The following MAST4 variants were observed in gnomAD, a reference collection of about 807,000 sequenced individuals.
MAST4 encodes microtubule-associated serine/threonine-protein kinase 4.
MAST4 carries 89 observed loss-of-function variants against 162.7 expected under a neutral mutation model. That is an observed-to-expected ratio of 0.55 (90% CI 0.46 to 0.65). MAST4 has a LOEUF of 0.65. MAST4 is among the 30% of genes least tolerant of loss of function. MAST4 has a pLI of 0.00. For missense variants in MAST4, 3,153 were observed against 3,374.0 expected, an observed-to-expected ratio of 0.93 and a Z score of 1.62; for synonymous variants, 1,479 against 1,361.1, an observed-to-expected ratio of 1.09 and a Z score of -1.91.
intron 1 of MAST4, among the ~76,000 whole-genome samples, chr5:66,607,425 G>A (rs1742964505): frequency 6.6e-6 from 1 of 152,110 alleles, no homozygotes. Flanking sequence ...TTTCCTGTTG[G>A]CTTTGGGGAG....
intron 4 of MAST4, among the ~76,000 whole-genome samples, chr5:66,980,387 A>G (rs1748646327): frequency 6.6e-6 from 1 of 152,208 alleles, no homozygotes; most frequent in African/African-American, 2.4e-5. Flanking sequence ...TCAAACTCTA[A>G]GATACTTTTA....
intron 1 of MAST4, among the ~76,000 whole-genome samples, chr5:66,643,660 CA>C (rs1460749350): frequency 1.3e-5 from 2 of 152,048 alleles, no homozygotes; most frequent in Non-Finnish European, 2.9e-5. Flanking sequence ...TCCCTTTTGA[CA>C]TGCTTTTTGT....
chr5:66,665,417 TTAAA>T (rs1186114277), intron 1 of MAST4, among the ~76,000 whole-genome samples: 2 of 152,218 alleles, frequency 1.3e-5, no homozygotes, highest in Non-Finnish European at 2.9e-5. Flanking sequence ...CTATTTGCCT[TTAAA>T]TAATTAATGA....
At chr5:66,835,281 C>A (rs1457008411) in intron 3 of MAST4, among the ~76,000 whole-genome samples, 2 of 152,158 alleles carry the variant, frequency 1.3e-5, no homozygotes, top group African/African-American at 4.8e-5. Context: ...CTAGGTGAAC[C>A]AGTTTACTTC....
At chr5:66,790,877 A>ATT (rs370926586) in intron 3 of MAST4, among the ~76,000 whole-genome samples, 72 of 130,576 alleles carry the variant, frequency 5.5e-4, no homozygotes, top group African/African-American at 1.9e-3. Context: ...ACAATTCATG[A>ATT]TTTTTTTTTG....
intron 4 of MAST4, among the ~76,000 whole-genome samples, chr5:66,947,301 A>G (rs537606056): frequency 4.9e-4 from 75 of 152,240 alleles, no homozygotes; most frequent in African/African-American, 1.6e-3. Flanking sequence ...TGATCCTGAC[A>G]TGTCAAGGAA....
At chr5:66,728,125 A>C (rs1751634074) in intron 1 of MAST4, among the ~76,000 whole-genome samples, 1 of 152,208 alleles carries the variant, frequency 6.6e-6, no homozygotes, top group Admixed American at 6.5e-5. Context: ...GGAAACATTT[A>C]AAATAAATGG....
At chr5:66,780,422 C>T (rs990400444) in intron 2 of MAST4, among the ~76,000 whole-genome samples, 6 of 152,130 alleles carry the variant, frequency 3.9e-5, no homozygotes, top group Non-Finnish European at 7.4e-5. Context: ...ATGGTGTGTC[C>T]GGAGTTTATT....
chr5:67,036,858 G>A (rs1004780352), intron 4 of MAST4, among the ~76,000 whole-genome samples: 2 of 152,138 alleles, frequency 1.3e-5, no homozygotes, highest in African/African-American at 4.8e-5. Flanking sequence ...GTCTTTGTAA[G>A]CATTTTTGGA....
At chr5:66,976,235 G>A (rs1302062210) in intron 4 of MAST4, among the ~76,000 whole-genome samples, 6 of 152,202 alleles carry the variant, frequency 3.9e-5, no homozygotes, top group East Asian at 1.9e-4. Flanking sequence ...CCAGCCCTGC[G>A]AGGCATTACC....
At chr5:66,748,183 A>C (rs1214674055) in intron 1 of MAST4, among the ~76,000 whole-genome samples, 1 of 152,148 alleles carries the variant, frequency 6.6e-6, no homozygotes, top group East Asian at 1.9e-4. Context: ...ACTCCAATGA[A>C]GTTCCCAGTG....
intron 1 of MAST4, among the ~76,000 whole-genome samples, chr5:66,632,534 C>T (rs148367448): frequency 7.9e-5 from 12 of 152,134 alleles, no homozygotes; most frequent in African/African-American, 2.9e-4. Flanking sequence ...TTCACCCCTA[C>T]ATTTGTGTAC....
At chr5:66,837,196 G>A (rs1758038333) in intron 3 of MAST4, among the ~76,000 whole-genome samples, 1 of 151,402 alleles carries the variant, frequency 6.6e-6, no homozygotes, top group Non-Finnish European at 1.5e-5. Context: ...AATTTTAGCA[G>A]AGTTGCTGAG....
At chr5:66,764,998 A>G (rs893411295) in intron 2 of MAST4, among the ~76,000 whole-genome samples, 1 of 152,070 alleles carries the variant, frequency 6.6e-6, no homozygotes. Context: ...TATCTTTTAT[A>G]TTTTAAGGTA....
At chr5:66,824,509 T>A (rs1757148867) in intron 3 of MAST4, among the ~76,000 whole-genome samples, 1 of 152,230 alleles carries the variant, frequency 6.6e-6, no homozygotes, top group Non-Finnish European at 1.5e-5. Flanking sequence ...GAGTGGGAAC[T>A]CCTCAAATGT....
intron 2 of MAST4, among the ~76,000 whole-genome samples, chr5:66,782,883 G>A (rs377557714): frequency 1.1e-4 from 17 of 152,266 alleles, no homozygotes; most frequent in South Asian, 2.1e-4. Context: ...GAATACGACA[G>A]CAACACACTT....
At chr5:66,981,303 A>G (rs1748791196) in intron 4 of MAST4, among the ~76,000 whole-genome samples, 1 of 152,198 alleles carries the variant, frequency 6.6e-6, no homozygotes, top group Admixed American at 6.5e-5. Flanking sequence ...CAAAATAGAA[A>G]TTTGTTTTGG....
rs1016603 is a variant in MAST4, at chr5:66,865,689, T to C, written c.643-34262T>C. 6.3e-3 allele frequency among the ~76,000 whole-genome samples: 954 copies of C among 152,328 alleles called. 8 individuals are homozygous for C. The highest frequency in any genetic ancestry group is 0.022 in the African/African-American group (894 of 41,580). ...TTATAATGAGCTCCCTAGCCCTGTC[T>C]CATCACAGTCTAAAAACCACTTTCT... is the stretch of plus-strand genomic sequence containing the variant. On this transcript the variant is annotated intron_variant, in intron 3 of 28. Transcript: ENST00000403625.
chr5:66,633,648 T>C (rs1213002683), intron 1 of MAST4, among the ~76,000 whole-genome samples: 1 of 152,226 alleles, frequency 6.6e-6, no homozygotes, highest in Non-Finnish European at 1.5e-5. Flanking sequence ...CTTTTAAAGA[T>C]AGTTTCAAGA....
Sources: allele counts gnomAD v4.1 joint callset (sites outside exome capture counted in the v4.1 genomes callset), GRCh38; gene constraint gnomAD v4.1.1; transcripts MANE v1.5; gene names NCBI Gene and HGNC (gene_info 2026-07-23, HGNC 2026-07-21).